The following ADD1 variants were observed in gnomAD, a reference collection of about 807,000 sequenced individuals.
ADD1 encodes the protein adducin 1, also known as alpha-adducin.
In ADD1, 24 loss-of-function variants were observed where a neutral mutation model predicts 80.5. That is an observed-to-expected ratio of 0.30 (90% CI 0.22 to 0.42). The LOEUF is 0.42. Among genes scored for constraint, ADD1 ranks in the 10% least tolerant of loss-of-function variants. The probability of loss-of-function intolerance (pLI) is 1.00; values close to 1 mark genes in which losing one functional copy is unlikely to be tolerated. For missense variants in ADD1, 948 were observed against 1,019.0 expected (o/e 0.93, Z 0.95); for synonymous variants, 373 against 393.8 (o/e 0.95, Z 0.63).
Position 2,894,649 on chromosome 4 carries a change from G to A in ADD1, c.659G>A (p.Gly220Asp), listed in dbSNP as rs750888002. The A allele has an allele frequency of 6.2e-7, 1 of 1,610,770 alleles. No homozygotes were observed. Among genetic ancestry groups the A allele is most frequent in the East Asian group, 2.2e-5 (1 of 44,806 alleles). The change falls in exon 6 of 16, where the codon GGC (glycine) becomes GAC (aspartate). Residue 220 changes from glycine (G) to aspartate (D), a missense_variant. Coordinates refer to ENST00000683351, the MANE Select transcript of ADD1 (RefSeq NM_001354761.2). ...ACTAATCTGGGAGTGAATCAGGCCG[G>A]CTTCACCTTACACTCTGCAATTTAT... ...GSTNLGVNQA[G>D]FTLHSAIYAA... is the part of the protein sequence containing the mutation.
chr4:2,919,117 G>A (rs1458167426), intron 14 of ADD1, among the ~76,000 whole-genome samples: 2 of 152,184 alleles, frequency 1.3e-5, no homozygotes, highest in African/African-American at 2.4e-5. Flanking sequence ...GGGATTACAG[G>A]TGTGAGCCAC....
intron 1 of ADD1, among the ~76,000 whole-genome samples, chr4:2,870,060 G>C (rs145591088): frequency 2.1e-3 from 321 of 152,316 alleles, no homozygotes; most frequent in African/African-American, 7.1e-3. Flanking sequence ...AAGTTTTCAT[G>C]TTCCAGCTTT....
Position 2,846,443 on chromosome 4 carries a change from G to A in ADD1, c.-21+2419G>A, listed in dbSNP as rs1726209340. 2.0e-5 allele frequency among the ~76,000 whole-genome samples: 3 copies of A among 152,250 alleles called. No homozygotes were observed. In the South Asian group the frequency reaches 6.2e-4, roughly 32 times the overall value. On this transcript the variant is annotated intron_variant, in intron 1 of 15. Coordinates refer to ENST00000683351, the MANE Select transcript of ADD1 (RefSeq NM_001354761.2). ...CAGAAATGATTAGTAGTCTTTGTTC[G>A]CAGCCCTTGATTGTCAGTGCCTACA...
intron 13 of ADD1, 104 bp from the exon 14 acceptor site, chr4:2,914,780 C>G: frequency 7.2e-7 from 1 of 1,382,630 alleles, no homozygotes; most frequent in Admixed American, 2.3e-5. Context: ...GGTCTCTGCT[C>G]CTGGAAAGCC....
At chr4:2,915,706 C>T (rs1738887620) in intron 14 of ADD1, among the ~76,000 whole-genome samples, 1 of 152,042 alleles carries the variant, frequency 6.6e-6, no homozygotes, top group Non-Finnish European at 1.5e-5. Context: ...GCCTGTAATC[C>T]CAGCTACTCG....
chr4:2,863,202 C>A (rs376862890), intron 1 of ADD1, among the ~76,000 whole-genome samples: 1 of 150,614 alleles, frequency 6.6e-6, no homozygotes, highest in Non-Finnish European at 1.5e-5. Flanking sequence ...CATGCCACCA[C>A]GCCCAGCTAA....
intron 4 of ADD1, among the ~76,000 whole-genome samples, chr4:2,891,039 CTT>C (rs1734219986): frequency 6.6e-6 from 1 of 151,598 alleles, no homozygotes; most frequent in Admixed American, 6.6e-5. Flanking sequence ...AATCCCAACA[CTT>C]TTGGAGGCCA....
intron 5 of ADD1, 52 bp downstream of exon 5, chr4:2,894,145 A>T: frequency 7.1e-7 from 1 of 1,401,908 alleles, no homozygotes; most frequent in Non-Finnish European, 1.0e-6. Context: ...ATGTTAGGTC[A>T]TTCAACATCT....
At chr4:2,909,456 C>T in intron 13 of ADD1, 25 bp downstream of exon 13, 1 of 1,521,992 alleles carries the variant, frequency 6.6e-7, no homozygotes, top group Non-Finnish European at 8.9e-7. Flanking sequence ...GTCCTCACTA[C>T]CTGTCTATGC....
chr4:2,852,436 T>G (rs545575638), intron 1 of ADD1, among the ~76,000 whole-genome samples: 5 of 149,972 alleles, frequency 3.3e-5, no homozygotes, highest in Non-Finnish European at 7.4e-5. Context: ...AAGCGATTCT[T>G]GTGCCCCAGC....
intron 1 of ADD1, among the ~76,000 whole-genome samples, chr4:2,854,551 G>A (rs1357899016): frequency 6.6e-6 from 1 of 152,254 alleles, no homozygotes; most frequent in African/African-American, 2.4e-5. Flanking sequence ...GTTCATATAT[G>A]TTGACAGTAT....
chr4:2,896,326 AG>A (rs1362429640), intron 6 of ADD1, among the ~76,000 whole-genome samples: 1 of 151,830 alleles, frequency 6.6e-6, no homozygotes, highest in East Asian at 1.9e-4. Context: ...CTCTTGACTC[AG>A]CCTCCCAAGT....
chr4:2,845,486 C>T (rs1011994580), intron 1 of ADD1, among the ~76,000 whole-genome samples: 6 of 152,098 alleles, frequency 3.9e-5, no homozygotes, highest in Non-Finnish European at 8.8e-5. Flanking sequence ...TTCAGAGTTT[C>T]GATGTGGTTT....
intron 14 of ADD1, 143 bp downstream of exon 14, chr4:2,915,183 A>C: frequency 2.1e-6 from 2 of 934,662 alleles, no homozygotes; most frequent in Non-Finnish European, 3.1e-6. Flanking sequence ...TCCAGTACTC[A>C]TTTCCAACCT....
At chr4:2,861,618 G>T (rs1728831427) in intron 1 of ADD1, among the ~76,000 whole-genome samples, 1 of 152,180 alleles carries the variant, frequency 6.6e-6, no homozygotes, top group African/African-American at 2.4e-5. Context: ...ATATAAATCA[G>T]TGGTTCTCAA....
intron 1 of ADD1, among the ~76,000 whole-genome samples, chr4:2,856,840 C>T (rs546583243): frequency 6.6e-6 from 1 of 152,174 alleles, no homozygotes; most frequent in African/African-American, 2.4e-5. Context: ...ATCTGCCCAC[C>T]TTGGCCTCCC....
At chr4:2,852,549 T>C (rs1399328964) in intron 1 of ADD1, among the ~76,000 whole-genome samples, 2 of 151,730 alleles carry the variant, frequency 1.3e-5, no homozygotes, top group African/African-American at 2.4e-5. Flanking sequence ...TCAGTTTTTT[T>C]CTGAGCAACG....
intron 1 of ADD1, among the ~76,000 whole-genome samples, chr4:2,871,615 C>T (rs1403426446): frequency 6.6e-6 from 1 of 152,132 alleles, no homozygotes; most frequent in African/African-American, 2.4e-5. Flanking sequence ...AATCACGGAG[C>T]GTTTCAAACA....
chr4:2,846,160 T>C (rs1045245819), intron 1 of ADD1, among the ~76,000 whole-genome samples: 4 of 152,256 alleles, frequency 2.6e-5, no homozygotes, highest in African/African-American at 7.2e-5. Context: ...TCATTTTTTT[T>C]CTTAACAATT....
Sources: gnomAD v4.1 joint callset for allele counts (sites outside exome capture counted in the v4.1 genomes callset) on GRCh38, gnomAD v4.1.1 for gene constraint, MANE v1.5 for transcripts, NCBI Gene and HGNC (gene_info 2026-07-23, HGNC 2026-07-21) for gene names.